The following ZNF664 variants were observed in gnomAD, a reference collection of about 807,000 sequenced individuals.
ZNF664 encodes the protein zinc finger protein 664, also known as zinc finger Organ of Corti 1.
Under a neutral mutation model 18.2 loss-of-function variants are expected in ZNF664, and 10 were observed. The observed-to-expected ratio is 0.55, with a 90% CI of 0.34 to 0.93. ZNF664 has a LOEUF of 0.93. Ranked by LOEUF, ZNF664 falls within the 40% of genes least tolerant of loss-of-function variation. ZNF664 has a pLI of 0.02. For missense variants in ZNF664, 193 were observed against 319.0 expected (o/e 0.61, Z 3.01); for synonymous variants, 119 against 104.2 (o/e 1.14, Z -0.86).
In ZNF664 at chr12:123,985,186, A is replaced by G. The variant is rs566849670; in HGVS notation, c.-756-2857A>G. ...GTCGGGGGATGGCTCCAGAGAACACATGTCACTTATCTGTGCATATGAAAT... is the reference window on the plus strand; with the variant it reads ...GTCGGGGGATGGCTCCAGAGAACACGTGTCACTTATCTGTGCATATGAAAT... On this transcript the variant is annotated intron_variant, in intron 2 of 4. Transcript: ENST00000337815. Among the ~76,000 whole-genome samples the G allele has an allele frequency of 2.0e-5, 3 of 152,280 alleles. No homozygotes were observed. The South Asian group carries it at 6.2e-4, about 32-fold the overall frequency.
intron 3 of ZNF664, among the ~76,000 whole-genome samples, chr12:123,993,431 A>G (rs1956910972): frequency 6.6e-6 from 1 of 152,220 alleles, no homozygotes; most frequent in Non-Finnish European, 1.5e-5. Flanking sequence ...TGACTGCCAT[A>G]ATTAAGTTAT....
intron 3 of ZNF664, among the ~76,000 whole-genome samples, chr12:124,004,156 G>T (rs1301203237): frequency 3.3e-5 from 5 of 152,210 alleles, no homozygotes; most frequent in Non-Finnish European, 5.9e-5. Flanking sequence ...ACACAGATTT[G>T]GGAGGGAGCA....
At chr12:123,991,344 A>T (rs1363877904) in intron 3 of ZNF664, among the ~76,000 whole-genome samples, 1 of 152,204 alleles carries the variant, frequency 6.6e-6, no homozygotes, top group Admixed American at 6.5e-5. Context: ...GTGACTAGAT[A>T]GTCAAGAAGG....
chr12:124,009,574 A>G (rs1282855102), intron 3 of ZNF664, among the ~76,000 whole-genome samples: 1 of 152,066 alleles, frequency 6.6e-6, no homozygotes, highest in African/African-American at 2.4e-5. Context: ...TCTTGGCTCA[A>G]TGTAGCCTTG....
chr12:123,976,896 C>T (rs766342726), intron 2 of ZNF664, among the ~76,000 whole-genome samples: 7 of 151,916 alleles, frequency 4.6e-5, no homozygotes, highest in African/African-American at 9.7e-5. Context: ...CTGGCTAACA[C>T]GGTGAAACCC....
intron 1 of ZNF664, 185 bp downstream of exon 1, chr12:123,973,537 C>T (rs1483871598): frequency 2.7e-6 from 1 of 372,668 alleles, no homozygotes; most frequent in Non-Finnish European, 3.7e-6. Context: ...CGCAGCCTGG[C>T]GGGTCCCGGG....
At chr12:124,011,290 G>C in intron 3 of ZNF664, 91 bp from the exon 4 acceptor site, 1 of 970,454 alleles carries the variant, frequency 1.0e-6, no homozygotes, top group Non-Finnish European at 1.2e-6. Context: ...TCCCCTTGAT[G>C]TTGCTCAGAT....
chr12:123,982,311 G>A (rs1187438213), intron 2 of ZNF664, among the ~76,000 whole-genome samples: 1 of 152,208 alleles, frequency 6.6e-6, no homozygotes, highest in Non-Finnish European at 1.5e-5. Context: ...GAGGAAGGTA[G>A]ATGTCTTCAT....
intron 2 of ZNF664, among the ~76,000 whole-genome samples, chr12:123,982,424 A>G (rs984002435): frequency 6.6e-6 from 1 of 151,990 alleles, no homozygotes; most frequent in African/African-American, 2.4e-5. Flanking sequence ...TGTCTGCCCT[A>G]TGCTTCTATG....
At chr12:123,981,973 T>A (rs1956770138) in intron 2 of ZNF664, among the ~76,000 whole-genome samples, 1 of 152,256 alleles carries the variant, frequency 6.6e-6, no homozygotes, top group African/African-American at 2.4e-5. Context: ...CGACTTCAGA[T>A]AATACCATGA....
intron 2 of ZNF664, among the ~76,000 whole-genome samples, chr12:123,984,584 A>C (rs905763993): frequency 6.6e-6 from 1 of 152,162 alleles, no homozygotes; most frequent in Non-Finnish European, 1.5e-5. Flanking sequence ...AAACAAGCAC[A>C]GAAAGAAAAC....
chr12:123,995,520 A>T (rs1424057840), intron 3 of ZNF664, among the ~76,000 whole-genome samples: 1 of 152,254 alleles, frequency 6.6e-6, no homozygotes, highest in Non-Finnish European at 1.5e-5. Context: ...TTAATACATG[A>T]TATGAATGTT....
chr12:123,979,545 A>T (rs1223129684), intron 2 of ZNF664, among the ~76,000 whole-genome samples: 1 of 152,248 alleles, frequency 6.6e-6, no homozygotes, highest in Non-Finnish European at 1.5e-5. Flanking sequence ...TGCTATTTTC[A>T]TAGGAGAACA....
At chr12:123,983,387 A>G (rs561880360) in intron 2 of ZNF664, among the ~76,000 whole-genome samples, 1 of 152,360 alleles carries the variant, frequency 6.6e-6, no homozygotes, top group East Asian at 1.9e-4. Flanking sequence ...TCTGAAATAC[A>G]CAGTGTCTCT....
At chr12:123,993,185 C>T (rs914203825) in intron 3 of ZNF664, among the ~76,000 whole-genome samples, 1 of 152,072 alleles carries the variant, frequency 6.6e-6, no homozygotes, top group African/African-American at 2.4e-5. Context: ...GGTCTAGGAC[C>T]CTACAAGGTG....
chr12:123,990,801 G>T (rs756669338), intron 3 of ZNF664, among the ~76,000 whole-genome samples: 5 of 151,952 alleles, frequency 3.3e-5, no homozygotes, highest in Non-Finnish European at 7.3e-5. Flanking sequence ...GAGGCAGAGT[G>T]CAGGAAAGTG....
chr12:123,993,690 C>T (rs2138383728), intron 3 of ZNF664, among the ~76,000 whole-genome samples: 1 of 152,248 alleles, frequency 6.6e-6, no homozygotes, highest in East Asian at 1.9e-4. Flanking sequence ...GTCCTGATAC[C>T]TAAACAACGT....
intron 3 of ZNF664, among the ~76,000 whole-genome samples, chr12:123,992,268 T>G (rs999517902): frequency 1.3e-5 from 2 of 152,176 alleles, no homozygotes; most frequent in Non-Finnish European, 2.9e-5. Flanking sequence ...CTGGAAGGAC[T>G]GTTGTCAGTT....
Position 123,977,350 on chromosome 12 carries a change from A to G in ZNF664, c.-757+3330A>G, listed in dbSNP as rs548634735. Among the ~76,000 whole-genome samples the G allele has an allele frequency of 3.3e-5, 5 of 152,238 alleles. 1 individual carries two copies. The South Asian group carries it at 1.0e-3, about 32-fold the overall frequency. ...TGTAGATGCTATTGACTATGAAAAC[A>G]ATAACAAAAATTATTAGACAAAAAA... On this transcript the variant is annotated intron_variant, in intron 2 of 4. Coordinates refer to ENST00000337815, the MANE Select transcript of ZNF664 (RefSeq NM_152437.3).
Sources: gnomAD v4.1 joint callset for allele counts (sites outside exome capture counted in the v4.1 genomes callset) on GRCh38, gnomAD v4.1.1 for gene constraint, MANE v1.5 for transcripts, NCBI Gene and HGNC (gene_info 2026-07-23, HGNC 2026-07-21) for gene names.